FUBP3: variants seen among roughly 807,000 people sequenced by gnomAD.
The protein encoded by FUBP3 is far upstream element-binding protein 3.
Under a neutral mutation model 85.6 loss-of-function variants are expected in FUBP3, and 28 were observed. The ratio of observed to expected loss-of-function variants is 0.33; its 90% CI spans 0.24 to 0.45. The LOEUF (loss-of-function observed/expected upper bound fraction) is 0.45, where lower values mean the gene tolerates loss of function less well. FUBP3 is among the 20% of genes least tolerant of loss of function. The pLI is 1.00. For missense variants in FUBP3, 583 were observed against 755.1 expected (o/e 0.77, Z 2.67); for synonymous variants, 271 against 271.4 (o/e 1.00, Z 0.01).
intron 5 of FUBP3, among the ~76,000 whole-genome samples, chr9:130,613,292 A>G (rs1420805110): frequency 2.0e-5 from 3 of 152,168 alleles, no homozygotes; most frequent in Non-Finnish European, 4.4e-5. Flanking sequence ...CTGCCACTCT[A>G]GGACCTATGT....
At chr9:130,584,846 G>A (rs1830276514) in intron 1 of FUBP3, among the ~76,000 whole-genome samples, 1 of 151,306 alleles carries the variant, frequency 6.6e-6, no homozygotes, top group Non-Finnish European at 1.5e-5. Flanking sequence ...TCCAGCCTGG[G>A]CAACAGAGCA....
chr9:130,589,533 G>A (rs903059069), intron 1 of FUBP3, among the ~76,000 whole-genome samples: 4 of 150,266 alleles, frequency 2.7e-5, no homozygotes, highest in African/African-American at 4.9e-5. Flanking sequence ...TAGTAGAGAC[G>A]GGGTTTCACC....
intron 1 of FUBP3, among the ~76,000 whole-genome samples, chr9:130,592,923 A>G (rs1018054257): frequency 6.6e-6 from 1 of 152,096 alleles, no homozygotes; most frequent in Non-Finnish European, 1.5e-5. Context: ...GCCTTCCTAT[A>G]AAGTCCAAGC....
intron 2 of FUBP3, among the ~76,000 whole-genome samples, chr9:130,599,865 C>T (rs1391472343): frequency 6.6e-6 from 1 of 152,162 alleles, no homozygotes; most frequent in African/African-American, 2.4e-5. Context: ...ATCTTGCAAC[C>T]TGGCCATTGC....
intron 2 of FUBP3, among the ~76,000 whole-genome samples, chr9:130,609,449 G>T (rs1831632487): frequency 7.4e-6 from 1 of 135,598 alleles, no homozygotes; most frequent in Non-Finnish European, 1.6e-5. Flanking sequence ...GGGTGGGGGG[G>T]CCGGCGAGGG....
intron 1 of FUBP3, among the ~76,000 whole-genome samples, chr9:130,587,255 C>T (rs1028134232): frequency 7.9e-5 from 12 of 151,232 alleles, no homozygotes; most frequent in Non-Finnish European, 1.6e-4. Context: ...TGTAGAGATG[C>T]GGTTTCACCA....
intron 13 of FUBP3, 89 bp downstream of exon 13, chr9:130,630,877 C>A: frequency 1.0e-6 from 1 of 996,038 alleles, no homozygotes; most frequent in Non-Finnish European, 1.4e-6. Flanking sequence ...CCACCTTGTG[C>A]TGCTTGTGCC....
Position 130,637,326 on chromosome 9 carries a change from G to T in FUBP3, c.*304G>T. ...CAGAGCTGTGACATTTCAACATGAT[G>T]GTTTTGGTTTGGTTTGGTTTTGTGT... On this transcript the variant is annotated 3_prime_UTR_variant, in exon 19 of 19. Coordinates refer to ENST00000319725, the MANE Select transcript of FUBP3 (RefSeq NM_003934.2). 2 of 363,498 alleles carry T rather than the reference G, an allele frequency of 5.5e-6. No individual in the cohort carries two copies. Among genetic ancestry groups the T allele is most frequent in the South Asian group, 4.4e-5 (1 of 22,556 alleles). 22.5% of individuals were successfully genotyped at this position (363,498 alleles called of 1,614,324 possible).
Position 130,631,691 on chromosome 9 carries a change from C to T in FUBP3, c.1352+61C>T, listed in dbSNP as rs1564227033. ...CACTCGCTCCCCAGAGATCCCCTGT[C>T]GTTTCCAGCTACTTCTAGCGAGTGC... On this transcript the variant is annotated intron_variant, in intron 14 of 18. Transcript: ENST00000319725. 14 of 1,349,242 alleles carry T rather than the reference C, an allele frequency of 1.0e-5. No individual in the cohort carries two copies. In the South Asian group the frequency reaches 1.1e-4, roughly 10 times the overall value. 83.6% of individuals were successfully genotyped at this position (1,349,242 alleles called of 1,614,324 possible). A position where few individuals can be genotyped will look rare whatever the true frequency, so the allele number is the denominator to read the frequency against.
chr9:130,632,460 G>A (rs1019828983), intron 16 of FUBP3, among the ~76,000 whole-genome samples, 182 bp downstream of exon 16: 3 of 152,254 alleles, frequency 2.0e-5, no homozygotes, highest in African/African-American at 7.2e-5. Flanking sequence ...GGTTGTGCAT[G>A]CTCAGAAAAA....
At chr9:130,593,916 T>G (rs1217659751) in intron 1 of FUBP3, among the ~76,000 whole-genome samples, 3 of 152,200 alleles carry the variant, frequency 2.0e-5, no homozygotes, top group Non-Finnish European at 4.4e-5. Context: ...CATTTGTTTC[T>G]GGGGGGAAAT....
chr9:130,636,221 G>C (rs1244929711), intron 18 of FUBP3, 95 bp downstream of exon 18: 1 of 1,280,060 alleles, frequency 7.8e-7, no homozygotes, highest in African/African-American at 1.5e-5. Context: ...TGAGAGCGCT[G>C]GGCTAGGAGG....
chr9:130,615,775 C>G (rs995142641), intron 6 of FUBP3, among the ~76,000 whole-genome samples: 1 of 152,212 alleles, frequency 6.6e-6, no homozygotes, highest in Non-Finnish European at 1.5e-5. Context: ...CTCCCCCTTT[C>G]CCACCTCTTG....
chr9:130,629,046 G>T (rs527960992), intron 12 of FUBP3, among the ~76,000 whole-genome samples: 10 of 152,338 alleles, frequency 6.6e-5, no homozygotes, highest in Non-Finnish European at 1.2e-4. Flanking sequence ...TGGGATTACA[G>T]GCGTGAGCCA....
At chr9:130,631,893 C>A in intron 14 of FUBP3, 49 bp from the exon 15 acceptor site, 3 of 1,368,956 alleles carry the variant, frequency 2.2e-6, no homozygotes, top group Non-Finnish European at 3.1e-6. Flanking sequence ...AGGGGACGAG[C>A]CCTCTGTTGT....
intron 8 of FUBP3, 89 bp from the exon 9 acceptor site, chr9:130,620,265 T>TG: frequency 6.7e-6 from 5 of 747,482 alleles, no homozygotes; most frequent in Non-Finnish European, 9.0e-6. Context: ...AAACCCAAGT[T>TG]AAGAGGGTTT....
chr9:130,636,033 C>A lies in FUBP3; in HGVS notation c.1617C>A (p.Ser539=). The part of the protein sequence containing the change: ...HAASAAPQAS[S]PPDYTMAWAE... ...CCAGCGCTGCTCCTCAGGCCAGCTCCCCACCGGACTACACAATGGCCTGGG... is the reference window on the plus strand; with the variant it reads ...CCAGCGCTGCTCCTCAGGCCAGCTCACCACCGGACTACACAATGGCCTGGG... The change falls in exon 18 of 19, where the codon TCC becomes TCA. Residue 539 remains serine, a synonymous_variant. Transcript: ENST00000319725. The A allele has an allele frequency of 6.2e-7, 1 of 1,610,284 alleles. No homozygotes were observed. The highest frequency in any genetic ancestry group is 1.4e-5 in the African/African-American group (1 of 73,868).
At chr9:130,619,445 A>C (rs1417543409) in intron 8 of FUBP3, among the ~76,000 whole-genome samples, 1 of 152,042 alleles carries the variant, frequency 6.6e-6, no homozygotes, top group African/African-American at 2.4e-5. Context: ...ATGTTATGAC[A>C]CTACCCCTAA....
chr9:130,627,361 C>T (rs1240758761), intron 12 of FUBP3, among the ~76,000 whole-genome samples: 4 of 152,244 alleles, frequency 2.6e-5, no homozygotes, highest in Non-Finnish European at 4.4e-5. Flanking sequence ...AGAAAACAGT[C>T]GTCTCTCCAG....
Sources: allele counts gnomAD v4.1 joint callset (sites outside exome capture counted in the v4.1 genomes callset), GRCh38; gene constraint gnomAD v4.1.1; transcripts MANE v1.5; gene names NCBI Gene and HGNC (gene_info 2026-07-23, HGNC 2026-07-21).